ABCB5: variants seen among roughly 807,000 people sequenced by gnomAD.
ABCB5 encodes ATP-binding cassette sub-family B member 5.
Under a neutral mutation model 144.2 loss-of-function variants are expected in ABCB5, and 155 were observed. The observed-to-expected ratio is 1.08, with a 90% confidence interval of 0.94 to 1.23. ABCB5 has a LOEUF of 1.23. Among genes scored for constraint, ABCB5 ranks in the 50% most tolerant of loss-of-function variants. The pLI is 0.00. For missense variants in ABCB5, 1,830 were observed against 1,520.8 expected (o/e 1.20, Z -3.38); for synonymous variants, 610 against 528.6 (o/e 1.15, Z -2.11).
intron 16 of ABCB5, among the ~76,000 whole-genome samples, chr7:20,686,703 C>A (rs1786013709): frequency 6.6e-6 from 1 of 152,100 alleles, no homozygotes; most frequent in South Asian, 2.1e-4. Flanking sequence ...CAGCTTCAGT[C>A]CCCTAACCTC....
At chr7:20,624,150 C>G (rs1023076942) in intron 2 of ABCB5, among the ~76,000 whole-genome samples, 2 of 152,206 alleles carry the variant, frequency 1.3e-5, no homozygotes, top group Admixed American at 6.5e-5. Context: ...GATGCCCCAG[C>G]ATCCTGGTGT....
chr7:20,646,704 A>G lies in ABCB5; in HGVS notation c.981+566A>G, dbSNP rs554494063. Among the ~76,000 whole-genome samples, 37 of 152,346 alleles carry G rather than the reference A, an allele frequency of 2.4e-4. No individual in the cohort carries two copies. The South Asian group carries it at 7.5e-3, about 31-fold the overall frequency. On this transcript the variant is annotated intron_variant, in intron 9 of 27. Transcript: ENST00000404938. ...TATCCTCTTAAGTTACAATAAACAG[A>G]TCAGTTCAGGATTAAGAAACATTTG...
chr7:20,738,957 G>A (rs929255182), intron 23 of ABCB5, 26 bp from the exon 24 acceptor site: 2 of 1,555,576 alleles, frequency 1.3e-6, no homozygotes, highest in Non-Finnish European at 1.7e-6. Flanking sequence ...ATGGACCTAA[G>A]ATTCAAATGC....
At chr7:20,714,361 T>G (rs758826967) in intron 20 of ABCB5, among the ~76,000 whole-genome samples, 4 of 151,508 alleles carry the variant, frequency 2.6e-5, no homozygotes, top group Admixed American at 6.6e-5. Context: ...AAAAAAAACC[T>G]GTATTTTTGT....
chr7:20,691,880 T>C (rs1320287220), intron 16 of ABCB5, among the ~76,000 whole-genome samples: 1 of 151,922 alleles, frequency 6.6e-6, no homozygotes, highest in East Asian at 1.9e-4. Flanking sequence ...TTACAATGTC[T>C]GGCATCCATT....
intron 14 of ABCB5, among the ~76,000 whole-genome samples, chr7:20,668,959 C>A (rs199663654): frequency 3.2e-4 from 24 of 75,918 alleles, no homozygotes; most frequent in Admixed American, 3.6e-4. Flanking sequence ...CCAGCCGCCC[C>A]GTCCGGGAGG....
chr7:20,730,227 G>A (rs1472534757), intron 23 of ABCB5, among the ~76,000 whole-genome samples: 2 of 152,214 alleles, frequency 1.3e-5, no homozygotes, highest in African/African-American at 4.8e-5. Flanking sequence ...TTCAACAGAA[G>A]GGCTGGATGT....
chr7:20,644,153 A>G (rs905482266), intron 7 of ABCB5, among the ~76,000 whole-genome samples: 3 of 151,684 alleles, frequency 2.0e-5, no homozygotes, highest in Non-Finnish European at 4.4e-5. Context: ...TGGTGCAAAC[A>G]TGGTTCACTG....
At chr7:20,659,558 C>T (rs1057445892) in intron 14 of ABCB5, 121 of 997,628 alleles carry the variant, frequency 1.2e-4, no homozygotes, top group Non-Finnish European at 1.4e-4. Flanking sequence ...ACGCTTGTTT[C>T]CCTCCCATAA....
chr7:20,682,278 A>T (rs1785855929), intron 15 of ABCB5, among the ~76,000 whole-genome samples: 1 of 152,218 alleles, frequency 6.6e-6, no homozygotes, highest in African/African-American at 2.4e-5. Flanking sequence ...ACACAAAGAA[A>T]TATAACACAC....
At position 20,647,995 on chromosome 7, in the gene ABCB5, G is replaced by A. The variant is rs1240183840; in HGVS notation, c.1123G>A (p.Ala375Thr). ...KKPSIDNFST[A>T]GYKPESIEGT... ...ACCCAGTATAGATAACTTTTCCACA[G>A]CTGGATATAAACCTGAATCCATAGA... The change falls in exon 11 of 28, where the codon GCT becomes ACT. Residue 375 changes from alanine (A) to threonine (T), a missense_variant. Ala to Thr is a moderately conservative substitution (Grantham distance 58, BLOSUM62 0). Transcript: ENST00000404938. 1.2e-6 allele frequency: 2 copies of A among 1,610,654 alleles called. No individual in the cohort carries two copies. Among genetic ancestry groups the A allele is most frequent in the Non-Finnish European group, 1.7e-6 (2 of 1,177,376 alleles).
chr7:20,632,656 A>C (rs1784061931), intron 5 of ABCB5, among the ~76,000 whole-genome samples: 1 of 152,148 alleles, frequency 6.6e-6, no homozygotes, highest in South Asian at 2.1e-4. Context: ...TGTGGCACAT[A>C]CACACCATGG....
At chr7:20,696,096 A>G (rs1266641070) in intron 16 of ABCB5, among the ~76,000 whole-genome samples, 2 of 152,096 alleles carry the variant, frequency 1.3e-5, no homozygotes, top group African/African-American at 4.8e-5. Flanking sequence ...GTATATGTCC[A>G]CACAAAGCCT....
chr7:20,668,513 C>A (rs1206834403), intron 14 of ABCB5, among the ~76,000 whole-genome samples: 1 of 151,812 alleles, frequency 6.6e-6, no homozygotes, highest in African/African-American at 2.4e-5. Context: ...AAGTGAGGAG[C>A]CCCTCCGTCC....
intron 10 of ABCB5, 79 bp downstream of exon 10, chr7:20,647,727 C>G: frequency 6.6e-7 from 1 of 1,518,476 alleles, no homozygotes; most frequent in Non-Finnish European, 8.8e-7. Flanking sequence ...CTCATTTTCA[C>G]TAAAACAATA....
chr7:20,700,503 G>A lies in ABCB5; in HGVS notation c.2337+368G>A, dbSNP rs550061530. The stretch of plus-strand genomic sequence containing the variant: ...TTGGGAATGTATCTGAAAAGAAGTT[G>A]TTAATTTCTGTGGTTCTAATTCATG... On this transcript the variant is annotated intron_variant, in intron 19 of 27. Transcript: ENST00000404938. Among the ~76,000 whole-genome samples the A allele has an allele frequency of 4.6e-5, 7 of 152,280 alleles. No homozygotes were observed. The East Asian group carries it at 1.2e-3, about 25-fold the overall frequency.
At chr7:20,649,947 G>A (rs539562207) in intron 11 of ABCB5, 75 bp from the exon 12 acceptor site, 2 of 1,476,414 alleles carry the variant, frequency 1.4e-6, no homozygotes, top group Admixed American at 4.4e-5. Flanking sequence ...TTATAATTAT[G>A]TACTCATTTT....
rs1318923250 is a variant in ABCB5, at chr7:20,711,832, CTTTCTTTCTTTCT to C, written c.2421+7041_2421+7053del. On this transcript the variant is annotated intron_variant, in intron 20 of 27. Transcript: ENST00000404938. ...TCTTTCTTTCTTTCTTTCTTTCTTTCTTTCTTTCTTTCTTTTCTTTCTTTCTTTCCTTCCTCCC... is the reference window on the plus strand; with the variant it reads ...TCTTTCTTTCTTTCTTTCTTTCTTTCTTTCTTTCTTTCTTTCCTTCCTCCC... 2.6e-3 allele frequency among the ~76,000 whole-genome samples: 144 copies of C among 56,142 alleles called. 15 individuals carry two copies. The highest frequency in any genetic ancestry group is 0.021 in the African/African-American group (133 of 6,262). 36.8% of individuals were successfully genotyped at this position (56,142 alleles called of 152,430 possible). A position where few individuals can be genotyped will look rare whatever the true frequency, so the allele number is the denominator to read the frequency against.
chr7:20,746,777 C>T (rs1782738073), intron 26 of ABCB5, among the ~76,000 whole-genome samples: 1 of 152,088 alleles, frequency 6.6e-6, no homozygotes, highest in Admixed American at 6.5e-5. Flanking sequence ...GTTTGCAACA[C>T]ACATACACAC....
Sources: allele counts gnomAD v4.1 joint callset (sites outside exome capture counted in the v4.1 genomes callset), GRCh38; gene constraint gnomAD v4.1.1; transcripts MANE v1.5; gene names NCBI Gene and HGNC (gene_info 2026-07-23, HGNC 2026-07-21).